Variants in SHROOM3 observed in about 807,000 individuals in gnomAD.
SHROOM3 encodes protein Shroom3.
A neutral mutation model predicts 138.6 loss-of-function variants in SHROOM3; 47 were observed. That is an observed-to-expected ratio of 0.34 (90% CI 0.27 to 0.43). SHROOM3 has a LOEUF of 0.43. SHROOM3 is among the 20% of genes least tolerant of loss of function. The pLI, the probability that SHROOM3 is intolerant of heterozygous loss-of-function variation, is 1.00. For synonymous variants in SHROOM3, 1,062 were observed against 1,063.3 expected (o/e 1.00, Z 0.02); for missense variants, 2,491 against 2,596.5 (o/e 0.96, Z 0.88).
At chr4:76,668,565 C>T (rs766424504) in intron 2 of SHROOM3, among the ~76,000 whole-genome samples, 13 of 151,948 alleles carry the variant, frequency 8.6e-5, no homozygotes, top group Non-Finnish European at 1.8e-4. Flanking sequence ...AACAGCAAAA[C>T]TCCGCCTCAA....
At chr4:76,768,659 C>T (rs1030671811) in intron 9 of SHROOM3, among the ~76,000 whole-genome samples, 8 of 152,220 alleles carry the variant, frequency 5.3e-5, no homozygotes, top group African/African-American at 1.7e-4. Context: ...TACAGACGCC[C>T]ACCATCACGC....
intron 2 of SHROOM3, among the ~76,000 whole-genome samples, chr4:76,604,238 C>T (rs577901386): frequency 1.3e-5 from 2 of 152,112 alleles, no homozygotes; most frequent in African/African-American, 2.4e-5. Flanking sequence ...CACTTTTAGC[C>T]TGTTGTAATA....
At chr4:76,725,494 G>A (rs986629458) in intron 3 of SHROOM3, among the ~76,000 whole-genome samples, 4 of 151,266 alleles carry the variant, frequency 2.6e-5, no homozygotes, top group South Asian at 2.1e-4. Context: ...ATATTTATGG[G>A]GTACATAATG....
intron 1 of SHROOM3, among the ~76,000 whole-genome samples, chr4:76,492,897 A>G (rs530646459): frequency 5.9e-5 from 9 of 152,030 alleles, no homozygotes; most frequent in Non-Finnish European, 1.2e-4. Context: ...TTTGGTTTTG[A>G]TCGTGGGATT....
At chr4:76,460,017 A>G (rs1333769256) in intron 1 of SHROOM3, among the ~76,000 whole-genome samples, 1 of 152,208 alleles carries the variant, frequency 6.6e-6, no homozygotes, top group Non-Finnish European at 1.5e-5. Flanking sequence ...TACATTACCC[A>G]GGAATGATTC....
At chr4:76,574,694 A>G (rs1733902807) in intron 2 of SHROOM3, among the ~76,000 whole-genome samples, 1 of 152,246 alleles carries the variant, frequency 6.6e-6, no homozygotes, top group South Asian at 2.1e-4. Context: ...CCCTAAGGAC[A>G]TTATGCTAAG....
At chr4:76,702,774 G>A (rs1177987995) in intron 2 of SHROOM3, among the ~76,000 whole-genome samples, 1 of 152,082 alleles carries the variant, frequency 6.6e-6, no homozygotes, top group East Asian at 1.9e-4. Context: ...ACTTGTCCTG[G>A]GCTACTAGCT....
At chr4:76,686,887 G>A (rs1487235776) in intron 2 of SHROOM3, among the ~76,000 whole-genome samples, 2 of 152,144 alleles carry the variant, frequency 1.3e-5, no homozygotes, top group Non-Finnish European at 2.9e-5. Flanking sequence ...TGACTCCCTG[G>A]TTTTGACTCA....
intron 1 of SHROOM3, among the ~76,000 whole-genome samples, chr4:76,475,117 A>G (rs72657877): frequency 0.034 from 5,219 of 152,202 alleles, 100 homozygotes; most frequent in Middle Eastern, 0.071. Flanking sequence ...AATTTTTCAA[A>G]GGACTGGATC....
chr4:76,517,158 A>G (rs1732460220), intron 1 of SHROOM3, among the ~76,000 whole-genome samples: 1 of 152,168 alleles, frequency 6.6e-6, no homozygotes, highest in African/African-American at 2.4e-5. Flanking sequence ...CTGTAAAAGA[A>G]CTTTGCTTTG....
At chr4:76,759,764 G>A (rs776873757) in intron 9 of SHROOM3, 69 bp downstream of exon 9, 83 of 1,556,082 alleles carry the variant, frequency 5.3e-5, no homozygotes, top group Non-Finnish European at 6.6e-5. Flanking sequence ...TGTAATCAGC[G>A]TGGTGACTGG....
chr4:76,593,876 C>T (rs1401651423), intron 2 of SHROOM3, among the ~76,000 whole-genome samples: 3 of 152,152 alleles, frequency 2.0e-5, no homozygotes, highest in African/African-American at 7.2e-5. Flanking sequence ...TTCCCAACAC[C>T]GATGATGCTG....
intron 1 of SHROOM3, among the ~76,000 whole-genome samples, chr4:76,500,297 G>C (rs1316714337): frequency 6.6e-6 from 1 of 152,136 alleles, no homozygotes; most frequent in Admixed American, 6.6e-5. Context: ...CCTCAGGTTT[G>C]CCAGGGCTGT....
At chr4:76,596,076 T>C (rs1377275999) in intron 2 of SHROOM3, among the ~76,000 whole-genome samples, 2 of 152,162 alleles carry the variant, frequency 1.3e-5, no homozygotes, top group Non-Finnish European at 1.5e-5. Context: ...TCTCTGTCTA[T>C]ATACTGTCAT....
At chr4:76,478,913 A>G (rs1484801363) in intron 1 of SHROOM3, among the ~76,000 whole-genome samples, 1 of 152,156 alleles carries the variant, frequency 6.6e-6, no homozygotes, top group Non-Finnish European at 1.5e-5. Context: ...GAAAACTAAT[A>G]AACAGAAAGG....
At chr4:76,717,354 A>C (rs1206408786) in intron 3 of SHROOM3, among the ~76,000 whole-genome samples, 1 of 152,032 alleles carries the variant, frequency 6.6e-6, no homozygotes, top group African/African-American at 2.4e-5. Context: ...ATGTTCTTGG[A>C]GCTTCCTGGA....
At chr4:76,592,937 C>T (rs1168744762) in intron 2 of SHROOM3, among the ~76,000 whole-genome samples, 2 of 152,068 alleles carry the variant, frequency 1.3e-5, no homozygotes, top group Non-Finnish European at 2.9e-5. Flanking sequence ...CTTCAGTGAC[C>T]CTTTCTTAAA....
At chr4:76,520,461 A>G (rs1490097466) in intron 1 of SHROOM3, among the ~76,000 whole-genome samples, 1 of 152,208 alleles carries the variant, frequency 6.6e-6, no homozygotes, top group Non-Finnish European at 1.5e-5. Flanking sequence ...TAAAAATCCT[A>G]GAAGGTATTA....
rs554609310 is a variant in SHROOM3, at chr4:76,699,656, C to T, written c.324-10500C>T. 1.4e-4 allele frequency among the ~76,000 whole-genome samples: 21 copies of T among 152,254 alleles called. 1 individual carries two copies. Among genetic ancestry groups the T allele is most frequent in the Admixed American group, 1.2e-3 (19 of 15,296 alleles). On this transcript the variant is annotated intron_variant, in intron 2 of 10. Transcript: ENST00000296043. ...GAACAGGGAAGAAGGATTACCAAAT[C>T]GACTTTCCTGCTTTACTTCCACCGT...
Sources: allele counts gnomAD v4.1 joint callset (sites outside exome capture counted in the v4.1 genomes callset), GRCh38; gene constraint gnomAD v4.1.1; transcripts MANE v1.5; gene names NCBI Gene and HGNC (gene_info 2026-07-23, HGNC 2026-07-21).